ERLEC1: variants seen among roughly 807,000 people sequenced by gnomAD.
The protein encoded by ERLEC1 is endoplasmic reticulum lectin 1.
A neutral mutation model predicts 68.0 loss-of-function variants in ERLEC1; 47 were observed. That is an observed-to-expected ratio of 0.69 (90% CI 0.55 to 0.88). ERLEC1 has a LOEUF of 0.88. Among genes scored for constraint, ERLEC1 ranks in the 40% least tolerant of loss-of-function variants. ERLEC1 has a pLI of 0.00. For missense variants in ERLEC1, 567 were observed against 583.8 expected, an observed-to-expected ratio of 0.97 and a Z score of 0.30; for synonymous variants, 225 against 203.2, an observed-to-expected ratio of 1.11 and a Z score of -0.91.
At chr2:53,799,245 C>T (rs758015022) in intron 6 of ERLEC1, among the ~76,000 whole-genome samples, 164 bp downstream of exon 6, 17 of 151,806 alleles carry the variant, frequency 1.1e-4, no homozygotes, top group East Asian at 3.9e-4. Context: ...TCCTTTTTTC[C>T]GAGAAAAGTT....
At chr2:53,801,284 A>T in intron 6 of ERLEC1, 113 bp from the exon 7 acceptor site, 1 of 662,276 alleles carries the variant, frequency 1.5e-6, no homozygotes. Flanking sequence ...GTTACCTTTC[A>T]GTTAATTAGT....
In ERLEC1 at chr2:53,797,721, T is replaced by A; in HGVS notation, c.427-11T>A. The A allele has an allele frequency of 6.2e-7, 1 of 1,605,970 alleles. No homozygotes were observed. The highest frequency in any genetic ancestry group is 8.5e-7 in the Non-Finnish European group (1 of 1,174,562). On this transcript the variant is annotated splice_polypyrimidine_tract_variant and intron_variant, in intron 4 of 13. Transcript: ENST00000185150. ...ATACTTAGTATATTTTTATTTTACT[T>A]TTCAATGTAGAAAATAAATATTCAC...
chr2:53,787,779 G>A (rs1254073512), intron 1 of ERLEC1, among the ~76,000 whole-genome samples: 1 of 152,156 alleles, frequency 6.6e-6, no homozygotes, highest in Non-Finnish European at 1.5e-5. Flanking sequence ...CCACACCACA[G>A]TACTTCAGAC....
intron 8 of ERLEC1, among the ~76,000 whole-genome samples, chr2:53,805,957 C>A (rs1273373632): frequency 2.0e-5 from 3 of 152,152 alleles, no homozygotes; most frequent in East Asian, 1.9e-4. Flanking sequence ...TTAGGTGATA[C>A]TGTAGGATGA....
chr2:53,797,436 T>C, intron 3 of ERLEC1, 79 bp from the exon 4 acceptor site: 1 of 1,024,404 alleles, frequency 9.8e-7, no homozygotes, highest in African/African-American at 1.6e-5. Context: ...AGGGGAAGTC[T>C]CAGCTGCTTC....
intron 8 of ERLEC1, among the ~76,000 whole-genome samples, chr2:53,806,790 A>C (rs919191066): frequency 8.5e-5 from 13 of 152,198 alleles, no homozygotes; most frequent in African/African-American, 3.1e-4. Context: ...TATACTGTCT[A>C]ATTTTTATAA....
chr2:53,812,693 GAGAT>G (rs1385764092), intron 10 of ERLEC1, among the ~76,000 whole-genome samples: 2 of 152,094 alleles, frequency 1.3e-5, no homozygotes, highest in African/African-American at 4.8e-5. Flanking sequence ...AAGAGAAAAA[GAGAT>G]AGAAGAGCCG....
rs766363146 is a variant in ERLEC1, at chr2:53,787,210, G to A, written c.-1G>A. 61 of 1,599,926 alleles carry A rather than the reference G, an allele frequency of 3.8e-5. No homozygotes were observed. Among genetic ancestry groups the A allele is most frequent in the Non-Finnish European group, 5.0e-5 (59 of 1,176,690 alleles). ...GTGGCTGGAGAAAGCGGCGGCGGAG[G>A]ATGGAGGAAGGAGGCGGCGGCGTAC... is the stretch of plus-strand genomic sequence containing the variant. On this transcript the variant is annotated 5_prime_UTR_variant, in exon 1 of 14. Coordinates refer to ENST00000185150, the MANE Select transcript of ERLEC1 (RefSeq NM_015701.5).
In ERLEC1 at chr2:53,801,852, T is replaced by G; in HGVS notation, c.879+10T>G. ...TAGGAGAAATAAAGAGGTATGAGAATTGTCTAATGATAGCTTTTTGGTGCT... is the reference window on the plus strand; with the variant it reads ...TAGGAGAAATAAAGAGGTATGAGAAGTGTCTAATGATAGCTTTTTGGTGCT... On this transcript the variant is annotated intron_variant, in intron 8 of 13. Transcript: ENST00000185150. The G allele has an allele frequency of 2.5e-6, 4 of 1,608,700 alleles. No individual in the cohort carries two copies. The African/African-American group carries it at 4.0e-5, about 16-fold the overall frequency.
In ERLEC1 at chr2:53,787,161, C is replaced by G. The variant is rs544692240; in HGVS notation, c.-50C>G. The G allele has an allele frequency of 5.4e-5, 81 of 1,492,306 alleles. No individual in the cohort carries two copies. The South Asian group carries it at 8.5e-4, about 16-fold the overall frequency. The allele number at this position is 1,492,306 out of a possible 1,614,324, so 92.4% of individuals were successfully genotyped here. A position where few individuals can be genotyped will look rare whatever the true frequency, so the allele number is the denominator to read the frequency against. On this transcript the variant is annotated 5_prime_UTR_variant, in exon 1 of 14. Coordinates refer to ENST00000185150, the MANE Select transcript of ERLEC1 (RefSeq NM_015701.5). ...CACCTCCTCCTCCTCCTCCTCTCCT[C>G]CTGGAGCAGAGGAGGTTGTGGCGGT...
rs1420352495 is a variant in ERLEC1 at position 53,799,029 on chromosome 2, T to TA, written c.491-17dup. On this transcript the variant is annotated splice_polypyrimidine_tract_variant and intron_variant, in intron 5 of 13. Coordinates refer to ENST00000185150, the MANE Select transcript of ERLEC1 (RefSeq NM_015701.5). ...TATGTCACTGCTCATTCTTTACACT[T>TA]ACCTTATTATTCCACAGAACGAGAA... is the stretch of plus-strand genomic sequence containing the variant. 1.2e-6 allele frequency: 2 copies of TA among 1,611,452 alleles called. No individual in the cohort carries two copies. The highest frequency in any genetic ancestry group is 1.7e-6 in the Non-Finnish European group (2 of 1,178,320).
chr2:53,811,900 G>T (rs2104333776), intron 10 of ERLEC1, among the ~76,000 whole-genome samples: 1 of 152,108 alleles, frequency 6.6e-6, no homozygotes, highest in South Asian at 2.1e-4. Flanking sequence ...TGTTTCCTTT[G>T]CCACCATAGG....
Position 53,787,137 on chromosome 2 carries a change from A to ACCTCCTCCT in ERLEC1, c.-63_-55dup. ...TTATAGTCCCGCCGCCTCCTCCTCCACCTCCTCCTCCTCCTCCTCTCCTCC... is the reference window on the plus strand; with the variant it reads ...TTATAGTCCCGCCGCCTCCTCCTCCACCTCCTCCTCCTCCTCCTCCTCCTCCTCTCCTCC... On this transcript the variant is annotated 5_prime_UTR_variant, in exon 1 of 14. Transcript: ENST00000185150. 2.9e-6 allele frequency: 3 copies of ACCTCCTCCT among 1,021,938 alleles called. No homozygotes were observed. The highest frequency in any genetic ancestry group is 3.9e-6 in the Non-Finnish European group (3 of 770,804). 63.3% of individuals were successfully genotyped at this position (1,021,938 alleles called of 1,614,324 possible). A position where few individuals can be genotyped will look rare whatever the true frequency, so the allele number is the denominator to read the frequency against.
intron 13 of ERLEC1, among the ~76,000 whole-genome samples, chr2:53,815,974 G>A (rs1676858405): frequency 6.6e-6 from 1 of 151,844 alleles, no homozygotes; most frequent in Non-Finnish European, 1.5e-5. Flanking sequence ...CTCTGTCTGT[G>A]GCTTGCCTAT....
In ERLEC1 at chr2:53,813,020, G is replaced by A; in HGVS notation, c.1173G>A (p.Lys391=). The change falls in exon 11 of 14, where the codon AAG becomes AAA. Residue 391 remains lysine, a synonymous_variant. Transcript: ENST00000185150. ...AAGAAGAGCATATTGAATGGGCTAA[G>A]AAGAATACTGCTAGAGCTTATCATC... ...WNQEEHIEWA[K]KNTARAYHLQ... 1 of 1,613,852 alleles carries A rather than the reference G, an allele frequency of 6.2e-7. No homozygotes were observed.
At chr2:53,787,860 C>G (rs1675149905) in intron 1 of ERLEC1, among the ~76,000 whole-genome samples, 1 of 152,214 alleles carries the variant, frequency 6.6e-6, no homozygotes, top group Non-Finnish European at 1.5e-5. Context: ...ACGCACAGCT[C>G]CAAGGGAACT....
At chr2:53,800,061 A>G (rs574630036) in intron 6 of ERLEC1, among the ~76,000 whole-genome samples, 2 of 152,096 alleles carry the variant, frequency 1.3e-5, no homozygotes, top group Non-Finnish European at 2.9e-5. Context: ...TTCTCCCAAA[A>G]ACCTTTTAAT....
At chr2:53,814,995 C>CTTTTTTT (rs777632156) in intron 13 of ERLEC1, 60 bp downstream of exon 13, 272 of 470,030 alleles carry the variant, frequency 5.8e-4, no homozygotes, top group African/African-American at 1.5e-3. Flanking sequence ...ATTTTTTTTT[C>CTTTTTTT]TTTTTTTTTT....
intron 1 of ERLEC1, among the ~76,000 whole-genome samples, chr2:53,787,966 G>A (rs1251712989): frequency 6.6e-6 from 1 of 152,108 alleles, no homozygotes; most frequent in Non-Finnish European, 1.5e-5. Flanking sequence ...CATGTATTAC[G>A]ACTGTTATTT....
Sources: allele counts gnomAD v4.1 joint callset (sites outside exome capture counted in the v4.1 genomes callset), GRCh38; gene constraint gnomAD v4.1.1; transcripts MANE v1.5; gene names NCBI Gene and HGNC (gene_info 2026-07-23, HGNC 2026-07-21).